The following B3GALT1 variants were observed in gnomAD, a reference collection of about 807,000 sequenced individuals.
B3GALT1 encodes UDP-Gal:betaGlcNAc beta 1,3-galactosyltransferase, polypeptide 1.
A neutral mutation model predicts 23.2 loss-of-function variants in B3GALT1; 10 were observed. The observed-to-expected ratio is 0.43, with a 90% CI of 0.27 to 0.73. The LOEUF (loss-of-function observed/expected upper bound fraction) is 0.73. Among genes scored for constraint, B3GALT1 ranks in the 30% least tolerant of loss-of-function variants. The pLI is 0.21. For missense variants in B3GALT1, 299 were observed against 405.4 expected, an observed-to-expected ratio of 0.74 and a Z score of 2.25; for synonymous variants, 156 against 141.5, an observed-to-expected ratio of 1.10 and a Z score of -0.73.
chr2:167,437,612 T>C (rs1315504837), intron 1 of B3GALT1, among the ~76,000 whole-genome samples: 1 of 152,240 alleles, frequency 6.6e-6, no homozygotes, highest in African/African-American at 2.4e-5. Flanking sequence ...ACCTTATTTA[T>C]GAATTCACTA....
intron 1 of B3GALT1, among the ~76,000 whole-genome samples, chr2:167,409,384 C>T (rs565827940): frequency 5.3e-5 from 8 of 152,216 alleles, no homozygotes; most frequent in South Asian, 2.1e-4. Flanking sequence ...CTTTCAGGTA[C>T]GCCAATTAAT....
intron 1 of B3GALT1, among the ~76,000 whole-genome samples, chr2:167,387,138 G>A (rs1480827796): frequency 3.3e-5 from 5 of 152,190 alleles, no homozygotes; most frequent in Non-Finnish European, 5.9e-5. Flanking sequence ...TCTGCCAAGA[G>A]AGGGCATTAA....
At chr2:167,450,516 T>C (rs1699072184) in intron 1 of B3GALT1, among the ~76,000 whole-genome samples, 1 of 152,192 alleles carries the variant, frequency 6.6e-6, no homozygotes, top group African/African-American at 2.4e-5. Flanking sequence ...AGCCTGAAGA[T>C]AGGGCCCCAA....
chr2:167,512,558 ATATATATATG>A (rs60389556), intron 2 of B3GALT1, among the ~76,000 whole-genome samples: 48 of 85,602 alleles, frequency 5.6e-4, no homozygotes, highest in African/African-American at 2.2e-3. Context: ...ATATATATGT[ATATATATATG>A]TATATATATA....
chr2:167,477,580 A>G (rs1699505079), intron 1 of B3GALT1, among the ~76,000 whole-genome samples: 2 of 152,244 alleles, frequency 1.3e-5, no homozygotes, highest in African/African-American at 4.8e-5. Context: ...ACTTAGTTTT[A>G]TCCGGATTGT....
rs78375149 is a variant in B3GALT1, at chr2:167,582,421, T to G, written c.-409-64488T>G. On this transcript the variant is annotated intron_variant, in intron 2 of 4. Coordinates refer to ENST00000392690, the MANE Select transcript of B3GALT1 (RefSeq NM_020981.4). The stretch of plus-strand genomic sequence containing the variant: ...AGTTTACTCACACTGTACTCAGATA[T>G]GCCAAGAAAATATAGTGTCTATTCT... Among the ~76,000 whole-genome samples the G allele has an allele frequency of 7.0e-4, 106 of 152,276 alleles. 1 individual carries two copies. The East Asian group carries it at 0.019, about 28-fold the overall frequency.
At chr2:167,761,515 A>G (rs868793153) in intron 3 of B3GALT1, among the ~76,000 whole-genome samples, 2 of 152,286 alleles carry the variant, frequency 1.3e-5, no homozygotes, top group African/African-American at 4.8e-5. Context: ...CTATAAATCA[A>G]GGCCTTTTTT....
At chr2:167,458,225 G>A (rs1037369244) in intron 1 of B3GALT1, among the ~76,000 whole-genome samples, 1 of 152,026 alleles carries the variant, frequency 6.6e-6, no homozygotes, top group African/African-American at 2.4e-5. Context: ...GTCTTTTTGT[G>A]ACTGGCTTAT....
intron 1 of B3GALT1, among the ~76,000 whole-genome samples, chr2:167,357,327 G>GA (rs958579570): frequency 5.9e-5 from 9 of 151,740 alleles, no homozygotes; most frequent in Admixed American, 2.6e-4. Context: ...AAATCCAGGA[G>GA]AAAAAATATG....
At chr2:167,346,622 A>G (rs1697224759) in intron 1 of B3GALT1, among the ~76,000 whole-genome samples, 1 of 152,150 alleles carries the variant, frequency 6.6e-6, no homozygotes, top group Non-Finnish European at 1.5e-5. Flanking sequence ...GGAAAGAAAT[A>G]TTACAGTTAT....
At chr2:167,335,610 A>G (rs1349745273) in intron 1 of B3GALT1, among the ~76,000 whole-genome samples, 2 of 152,158 alleles carry the variant, frequency 1.3e-5, no homozygotes, top group South Asian at 2.1e-4. Flanking sequence ...TAGACCATAT[A>G]TGGTAACTTC....
intron 1 of B3GALT1, among the ~76,000 whole-genome samples, chr2:167,465,022 C>A (rs1269971025): frequency 6.6e-6 from 1 of 152,084 alleles, no homozygotes; most frequent in Non-Finnish European, 1.5e-5. Context: ...GACAAGGCAT[C>A]CTCACAAGTT....
intron 3 of B3GALT1, among the ~76,000 whole-genome samples, chr2:167,782,950 A>T (rs1421220750): frequency 1.3e-5 from 2 of 152,216 alleles, no homozygotes; most frequent in Non-Finnish European, 2.9e-5. Context: ...ATCTGACTGC[A>T]TGATTTATTG....
intron 2 of B3GALT1, among the ~76,000 whole-genome samples, chr2:167,580,234 T>C (rs745984733): frequency 3.9e-5 from 6 of 152,152 alleles, no homozygotes; most frequent in Non-Finnish European, 5.9e-5. Flanking sequence ...TTTAAGATGA[T>C]AAAATTTAAA....
intron 3 of B3GALT1, among the ~76,000 whole-genome samples, chr2:167,789,556 TATA>T (rs918014490): frequency 6.6e-6 from 1 of 152,212 alleles, no homozygotes; most frequent in African/African-American, 2.4e-5. Context: ...TGGTGATAGT[TATA>T]ATAATAACAA....
intron 3 of B3GALT1, among the ~76,000 whole-genome samples, chr2:167,701,885 T>C (rs1686886762): frequency 6.6e-6 from 1 of 152,214 alleles, no homozygotes; most frequent in African/African-American, 2.4e-5. Flanking sequence ...TTTGGTGCTT[T>C]ACTACTGCAC....
At chr2:167,555,381 T>C (rs932404474) in intron 2 of B3GALT1, among the ~76,000 whole-genome samples, 1 of 152,196 alleles carries the variant, frequency 6.6e-6, no homozygotes, top group Non-Finnish European at 1.5e-5. Flanking sequence ...TAAGCTGAGA[T>C]AGAACTGCAA....
chr2:167,686,689 G>T (rs999403131), intron 3 of B3GALT1, among the ~76,000 whole-genome samples: 1 of 152,064 alleles, frequency 6.6e-6, no homozygotes. Context: ...TTTCTATTTC[G>T]TGCTCATGCC....
chr2:167,836,747 G>A (rs1689485826), intron 4 of B3GALT1, among the ~76,000 whole-genome samples: 2 of 152,246 alleles, frequency 1.3e-5, no homozygotes, highest in South Asian at 2.1e-4. Context: ...GAGTTGAAAT[G>A]AAGGAAAAAA....
Sources: gnomAD v4.1 joint callset for allele counts (sites outside exome capture counted in the v4.1 genomes callset) on GRCh38, gnomAD v4.1.1 for gene constraint, MANE v1.5 for transcripts, NCBI Gene and HGNC (gene_info 2026-07-23, HGNC 2026-07-21) for gene names.